Variants in EYA3 observed in about 807,000 individuals in gnomAD.
EYA3 encodes protein phosphatase EYA3.
In EYA3, 39 loss-of-function variants were observed where a neutral mutation model predicts 80.0. The observed-to-expected ratio is 0.49, with a 90% CI of 0.38 to 0.64. The LOEUF is 0.64. EYA3 is among the 30% of genes least tolerant of loss of function. The pLI, the probability that EYA3 is intolerant of heterozygous loss-of-function variation, is 0.00. For synonymous variants in EYA3, 206 were observed against 232.8 expected (o/e 0.88, Z 1.05); for missense variants, 523 against 676.1 (o/e 0.77, Z 2.51).
chr1:28,058,613 T>C (rs1644510929), intron 1 of EYA3, among the ~76,000 whole-genome samples: 1 of 152,172 alleles, frequency 6.6e-6, no homozygotes, highest in Admixed American at 6.5e-5. Context: ...GAAAACTCAA[T>C]TCTTCTGCAT....
chr1:28,066,956 A>G (rs138631351), intron 1 of EYA3, among the ~76,000 whole-genome samples: 110 of 152,260 alleles, frequency 7.2e-4, no homozygotes, highest in Non-Finnish European at 1.3e-3. Flanking sequence ...AATTGGAGAA[A>G]TATAAATTGC....
intron 16 of EYA3, among the ~76,000 whole-genome samples, chr1:27,978,832 C>T (rs1418584575): frequency 6.6e-6 from 1 of 152,278 alleles, no homozygotes; most frequent in East Asian, 1.9e-4. Flanking sequence ...CATGGCGGCG[C>T]GTGCCTGTAA....
At chr1:28,012,731 A>G (rs1641777575) in intron 9 of EYA3, among the ~76,000 whole-genome samples, 1 of 152,208 alleles carries the variant, frequency 6.6e-6, no homozygotes, top group Non-Finnish European at 1.5e-5. Flanking sequence ...TCCTGGACAT[A>G]GAAAGAACTA....
At chr1:27,977,854 A>G (rs1239069850) in intron 17 of EYA3, among the ~76,000 whole-genome samples, 1 of 146,826 alleles carries the variant, frequency 6.8e-6, no homozygotes, top group Non-Finnish European at 1.5e-5. Context: ...TCTCAAAAAC[A>G]GAAAAAAAAA....
rs12042859 is a variant in EYA3, at chr1:28,007,999, A to C, written c.909+2948T>G. On this transcript the variant is annotated intron_variant, in intron 10 of 17. Coordinates refer to ENST00000373871, the MANE Select transcript of EYA3 (RefSeq NM_001990.4). ...CCTGATTTCAAAACTTACAGTAACCAAAACAGTGTGGTACTAGCATAAGGA... is the reference window on the plus strand; with the variant it reads ...CCTGATTTCAAAACTTACAGTAACCCAAACAGTGTGGTACTAGCATAAGGA... Among the ~76,000 whole-genome samples the C allele has an allele frequency of 4.5e-4, 68 of 152,346 alleles. No homozygotes were observed. The East Asian group carries it at 0.013, about 28-fold the overall frequency.
At position 27,977,502 on chromosome 1, in the gene EYA3, G is replaced by A. The variant is rs1262199845; in HGVS notation, c.1641+872C>T. 3 of 1,069,132 alleles carry A rather than the reference G, an allele frequency of 2.8e-6. No homozygotes were observed. The African/African-American group carries it at 4.8e-5, about 17-fold the overall frequency. 66.2% of individuals were successfully genotyped at this position (1,069,132 alleles called of 1,614,324 possible). On this transcript the variant is annotated intron_variant, in intron 17 of 17. Transcript: ENST00000373871. ...AAATTCACATAGCTGAGACACAGAT[G>A]GGATTTTAAGTTCTATAGCCAAGAC...
rs144391253 is a variant in EYA3 at position 27,991,016 on chromosome 1, C to T, written c.1304-1205G>A. 9.9e-5 allele frequency among the ~76,000 whole-genome samples: 15 copies of T among 152,138 alleles called. No individual in the cohort carries two copies. The East Asian group carries it at 1.2e-3, about 12-fold the overall frequency. ...CAATAACAACAATAAAATCAGCTGACAGAAATAATTTAGATTCTGGTGCAA... is the reference window on the plus strand; with the variant it reads ...CAATAACAACAATAAAATCAGCTGATAGAAATAATTTAGATTCTGGTGCAA... On this transcript the variant is annotated intron_variant, in intron 14 of 17. Transcript: ENST00000373871.
intron 7 of EYA3, 48 bp from the exon 8 acceptor site, chr1:28,017,287 G>A: frequency 1.4e-6 from 2 of 1,402,390 alleles, no homozygotes; most frequent in Non-Finnish European, 2.0e-6. Context: ...TATGTAAAAG[G>A]TTAGAAGAAA....
intron 1 of EYA3, among the ~76,000 whole-genome samples, chr1:28,080,999 C>T (rs1226250045): frequency 6.6e-6 from 1 of 152,036 alleles, no homozygotes; most frequent in African/African-American, 2.4e-5. Flanking sequence ...TCAGGTGATC[C>T]TCCCGCCTCG....
At chr1:28,032,403 A>C (rs1031065752) in intron 6 of EYA3, among the ~76,000 whole-genome samples, 10 of 152,210 alleles carry the variant, frequency 6.6e-5, no homozygotes, top group Admixed American at 6.5e-4. Context: ...TAATGCTTCA[A>C]TGAGTATGTT....
chr1:28,078,424 G>A (rs995839381), intron 1 of EYA3, among the ~76,000 whole-genome samples: 5 of 152,168 alleles, frequency 3.3e-5, no homozygotes, highest in Non-Finnish European at 5.9e-5. Flanking sequence ...ACTCATCATA[G>A]TCACAAACAC....
intron 6 of EYA3, among the ~76,000 whole-genome samples, chr1:28,033,327 C>T (rs1643253769): frequency 6.6e-6 from 1 of 152,078 alleles, no homozygotes; most frequent in African/African-American, 2.4e-5. Flanking sequence ...GTTTTACAAA[C>T]CTCTCTTATA....
At chr1:28,086,223 CT>C (rs5773209) in intron 1 of EYA3, among the ~76,000 whole-genome samples, 87 of 146,414 alleles carry the variant, frequency 5.9e-4, no homozygotes, top group Admixed American at 6.9e-4. Flanking sequence ...GTTGTAATTT[CT>C]TTTTTTTTTT....
At chr1:28,057,753 C>T (rs902798754) in intron 2 of EYA3, among the ~76,000 whole-genome samples, 4 of 152,080 alleles carry the variant, frequency 2.6e-5, no homozygotes, top group African/African-American at 9.7e-5. Flanking sequence ...AAAACTGTAA[C>T]ACTAGCCACT....
At chr1:28,079,961 C>T (rs549441685) in intron 1 of EYA3, among the ~76,000 whole-genome samples, 147 of 151,838 alleles carry the variant, frequency 9.7e-4, no homozygotes, top group Admixed American at 2.0e-3. Context: ...TACAAAAAGA[C>T]AATATTAGGG....
chr1:27,986,195 G>A (rs909183542), intron 16 of EYA3, among the ~76,000 whole-genome samples: 1 of 151,426 alleles, frequency 6.6e-6, no homozygotes, highest in Non-Finnish European at 1.5e-5. Context: ...GTGAAACCCC[G>A]TCTCTACTAA....
At chr1:28,002,826 A>C (rs1410511633) in intron 11 of EYA3, among the ~76,000 whole-genome samples, 2 of 151,820 alleles carry the variant, frequency 1.3e-5, no homozygotes, top group Non-Finnish European at 2.9e-5. Context: ...GAAAAAAAAA[A>C]CACAAACCTC....
In EYA3 at chr1:27,971,690, A is replaced by G. The variant is rs1406257376; in HGVS notation, c.*2776T>C. On this transcript the variant is annotated 3_prime_UTR_variant, in exon 18 of 18. Coordinates refer to ENST00000373871, the MANE Select transcript of EYA3 (RefSeq NM_001990.4). ...ATTTGGCTAATTTCATGAGGACTCT[A>G]ATGAAGAGGGTCTCCCCCTTGATGA... 2 of 151,756 alleles carry G rather than the reference A, an allele frequency of 1.3e-5. No individual in the cohort carries two copies. Among genetic ancestry groups the G allele is most frequent in the Non-Finnish European group, 2.9e-5 (2 of 67,994 alleles). 9.4% of individuals were successfully genotyped at this position (151,756 alleles called of 1,614,324 possible).
intron 3 of EYA3, among the ~76,000 whole-genome samples, chr1:28,045,578 C>T (rs1354427226): frequency 1.3e-5 from 2 of 152,030 alleles, no homozygotes; most frequent in Non-Finnish European, 2.9e-5. Context: ...TAGCAACATC[C>T]CCTACATACT....
Sources: allele counts gnomAD v4.1 joint callset (sites outside exome capture counted in the v4.1 genomes callset), GRCh38; gene constraint gnomAD v4.1.1; transcripts MANE v1.5; gene names NCBI Gene and HGNC (gene_info 2026-07-23, HGNC 2026-07-21).